Variants in PSEN1 observed in about 807,000 individuals in gnomAD.
PSEN1 encodes the protein presenilin 1.
Under a neutral mutation model 53.5 loss-of-function variants are expected in PSEN1, and 15 were observed. The observed-to-expected ratio is 0.28, with a 90% CI of 0.19 to 0.43. The LOEUF is 0.43. Ranked by LOEUF, PSEN1 falls within the 20% of genes least tolerant of loss-of-function variation. The pLI is 1.00. For missense variants in PSEN1, 387 were observed against 571.2 expected (o/e 0.68, Z 3.29); for synonymous variants, 208 against 209.8 (o/e 0.99, Z 0.08).
At chr14:73,169,539 G>A (rs542431035) in intron 3 of PSEN1, 1 of 152,200 alleles carries the variant, frequency 6.6e-6, no homozygotes, top group East Asian at 1.9e-4. Context: ...TTATCTTATT[G>A]TGTTCCATTG....
intron 5 of PSEN1, among the ~76,000 whole-genome samples, chr14:73,178,290 G>A (rs1179751868): frequency 6.8e-6 from 1 of 146,146 alleles, no homozygotes; most frequent in Non-Finnish European, 1.5e-5. Flanking sequence ...TGTGATTTTG[G>A]CTCACTGCAG....
chr14:73,146,525 G>A (rs1245757593), intron 1 of PSEN1, among the ~76,000 whole-genome samples: 1 of 152,218 alleles, frequency 6.6e-6, no homozygotes, highest in African/African-American at 2.4e-5. Flanking sequence ...AAGGTGAGGG[G>A]AGGAGAAAGA....
intron 3 of PSEN1, among the ~76,000 whole-genome samples, chr14:73,158,093 C>G (rs1208117215): frequency 6.6e-6 from 1 of 151,862 alleles, no homozygotes; most frequent in Non-Finnish European, 1.5e-5. Context: ...AGTTGTATAC[C>G]ACAGTTTTTG....
chr14:73,191,398 A>AGT (rs145353205), intron 6 of PSEN1, among the ~76,000 whole-genome samples: 2,830 of 151,888 alleles, frequency 0.019, 68 homozygotes, highest in East Asian at 0.082. Flanking sequence ...TGTATGTATA[A>AGT]GTGTGTGTGT....
Position 73,183,451 on chromosome 14 carries a change from G to C in PSEN1, c.481-3402G>C, listed in dbSNP as rs1013827868. ...TAGGCAGAGGACCCTGCGGCCTTCC[G>C]CAGTGTTTGTGTCCCTGGGTACTTG... On this transcript the variant is annotated intron_variant, in intron 5 of 11. Coordinates refer to ENST00000324501, the MANE Select transcript of PSEN1 (RefSeq NM_000021.4). 2.1e-4 allele frequency among the ~76,000 whole-genome samples: 32 copies of C among 152,054 alleles called. 1 individual carries two copies. Among genetic ancestry groups the C allele is most frequent in the African/African-American group, 7.7e-4 (32 of 41,468 alleles).
At chr14:73,174,715 T>C (rs1268699045) in intron 5 of PSEN1, among the ~76,000 whole-genome samples, 2 of 152,210 alleles carry the variant, frequency 1.3e-5, no homozygotes, top group Non-Finnish European at 2.9e-5. Flanking sequence ...GATGCTGGTA[T>C]TAAACTCACT....
At chr14:73,147,338 T>G (rs190372534) in intron 1 of PSEN1, among the ~76,000 whole-genome samples, 1 of 152,330 alleles carries the variant, frequency 6.6e-6, no homozygotes, top group East Asian at 1.9e-4. Context: ...AGCAAGTCAC[T>G]GAACTTCTCT....
At chr14:73,205,650 G>C (rs1387756285) in intron 8 of PSEN1, among the ~76,000 whole-genome samples, 1 of 152,148 alleles carries the variant, frequency 6.6e-6, no homozygotes, top group Admixed American at 6.5e-5. Context: ...TGGGTTAAAG[G>C]ATTAATGCAC....
intron 6 of PSEN1, among the ~76,000 whole-genome samples, chr14:73,191,650 T>C (rs1206579905): frequency 1.3e-5 from 2 of 152,054 alleles, no homozygotes; most frequent in Non-Finnish European, 2.9e-5. Context: ...AGGCTCAAGC[T>C]ATCTTCCTGC....
intron 5 of PSEN1, among the ~76,000 whole-genome samples, chr14:73,185,344 C>T (rs1445715273): frequency 6.6e-6 from 1 of 152,226 alleles, no homozygotes; most frequent in African/African-American, 2.4e-5. Context: ...GAGACTCCGT[C>T]TGCAATCCCG....
At chr14:73,190,799 T>A (rs1898687091) in intron 6 of PSEN1, among the ~76,000 whole-genome samples, 1 of 152,218 alleles carries the variant, frequency 6.6e-6, no homozygotes, top group Non-Finnish European at 1.5e-5. Context: ...CAGTATCTGT[T>A]GTGAATTTTA....
intron 5 of PSEN1, among the ~76,000 whole-genome samples, chr14:73,184,822 G>A (rs1453455710): frequency 3.3e-5 from 5 of 149,772 alleles, no homozygotes; most frequent in South Asian, 2.1e-4. Flanking sequence ...GGCGGCTGCC[G>A]GGCGGAGGGG....
In PSEN1 at chr14:73,166,071, A is replaced by AATT. The variant is rs1491329614; in HGVS notation, c.88-4725_88-4724insTTA. ...CCAAAATAATAATAATAATAATAAT[A>AATT]AAATAAAAATAAAAGTAGTATCCAG... On this transcript the variant is annotated intron_variant, in intron 3 of 11. Transcript: ENST00000324501. Among the ~76,000 whole-genome samples, 56 of 150,802 alleles carry AATT rather than the reference A, an allele frequency of 3.7e-4. 1 individual carries two copies. The highest frequency in any genetic ancestry group is 3.7e-3 in the Admixed American group (56 of 15,104).
intron 9 of PSEN1, among the ~76,000 whole-genome samples, chr14:73,210,754 T>C (rs1369949802): frequency 1.3e-5 from 2 of 152,220 alleles, no homozygotes; most frequent in Non-Finnish European, 2.9e-5. Context: ...GAGGAAGCCA[T>C]GCAAGGAAGG....
chr14:73,210,876 T>C (rs963625417), intron 9 of PSEN1, among the ~76,000 whole-genome samples: 1 of 152,192 alleles, frequency 6.6e-6, no homozygotes, highest in African/African-American at 2.4e-5. Flanking sequence ...ACTTCACTTA[T>C]ATATTTTAAT....
chr14:73,201,830 C>G (rs1234361546), intron 8 of PSEN1, among the ~76,000 whole-genome samples: 2 of 151,286 alleles, frequency 1.3e-5, no homozygotes, highest in African/African-American at 4.9e-5. Context: ...CACTGCAACC[C>G]CCGCCTCCCA....
intron 8 of PSEN1, among the ~76,000 whole-genome samples, chr14:73,199,591 A>G (rs988699807): frequency 7.2e-5 from 11 of 152,198 alleles, no homozygotes; most frequent in African/African-American, 2.4e-4. Context: ...GAACTTATGA[A>G]TATTATTATA....
intron 11 of PSEN1, among the ~76,000 whole-genome samples, chr14:73,217,601 A>G (rs1214109510): frequency 6.6e-6 from 1 of 152,170 alleles, no homozygotes; most frequent in African/African-American, 2.4e-5. Flanking sequence ...ACAGGGATAA[A>G]CAGATCCTTC....
intron 3 of PSEN1, among the ~76,000 whole-genome samples, chr14:73,152,711 A>G (rs1311118780): frequency 5.3e-5 from 8 of 152,122 alleles, no homozygotes; most frequent in Non-Finnish European, 1.0e-4. Flanking sequence ...CTTGTCATCA[A>G]TAATAGCTTC....
Sources: gnomAD v4.1 joint callset for allele counts (sites outside exome capture counted in the v4.1 genomes callset) on GRCh38, gnomAD v4.1.1 for gene constraint, MANE v1.5 for transcripts, NCBI Gene and HGNC (gene_info 2026-07-23, HGNC 2026-07-21) for gene names.